TG: variants seen among roughly 807,000 people sequenced by gnomAD.
The protein encoded by TG is thyroglobulin.
A neutral mutation model predicts 324.7 loss-of-function variants in TG; 270 were observed. The observed-to-expected ratio is 0.83, with a 90% confidence interval of 0.75 to 0.92. The LOEUF (loss-of-function observed/expected upper bound fraction) is 0.92, where lower values mean the gene tolerates loss of function less well. Among genes scored for constraint, TG ranks in the 40% least tolerant of loss-of-function variants. The pLI is 0.00. For missense variants in TG, 3,591 were observed against 3,456.4 expected (o/e 1.04, Z -0.98); for synonymous variants, 1,401 against 1,327.0 (o/e 1.06, Z -1.21).
At chr8:132,988,651 G>A in intron 35 of TG, 1 of 945,686 alleles carries the variant, frequency 1.1e-6, no homozygotes, top group Non-Finnish European at 1.3e-6. Flanking sequence ...TTATAAACAA[G>A]TGAAATAGTA....
Position 133,013,692 on chromosome 8 carries a change from A to G in TG, c.6490A>G (p.Thr2164Ala). 6.2e-7 allele frequency: 1 copy of G among 1,614,196 alleles called. No individual in the cohort carries two copies. The highest frequency in any genetic ancestry group is 8.5e-7 in the Non-Finnish European group (1 of 1,180,052). The change falls in exon 37 of 48, where the codon ACA becomes GCA. Residue 2164 changes from threonine (T) to alanine (A), a missense_variant. Physicochemically the swap from Thr to Ala is moderately conservative, Grantham distance 58 (BLOSUM62 0). Coordinates refer to ENST00000220616, the MANE Select transcript of TG (RefSeq NM_003235.5). ...CMFYADTQSC[T>A]HSLQGQNCRL... The stretch of plus-strand genomic sequence containing the variant: ...GTTCTATGCTGATACTCAAAGCTGC[A>G]CACATAGTCTGCAGGGTCAGAACTG...
chr8:132,995,296 C>T (rs996190322), intron 35 of TG: 1 of 984,554 alleles, frequency 1.0e-6, no homozygotes, highest in South Asian at 4.7e-5. Flanking sequence ...TACTACCCAC[C>T]ACATACAGCA....
Position 133,061,323 on chromosome 8 carries a change from T to C in TG, c.7239+31300T>C, listed in dbSNP as rs540297175. Among the ~76,000 whole-genome samples the C allele has an allele frequency of 4.6e-4, 70 of 152,334 alleles. 1 individual carries two copies. In the South Asian group the frequency reaches 0.012, roughly 26 times the overall value. ...CATGCCTGGCCAAGTCATTAACCTT[T>C]TTCTGACTGTTTTGGGGAACACTAA... On this transcript the variant is annotated intron_variant, in intron 41 of 47. Coordinates refer to ENST00000220616, the MANE Select transcript of TG (RefSeq NM_003235.5).
rs1421550290 is a variant in TG at position 132,886,565 on chromosome 8, C to T, written c.1193C>T (p.Ser398Phe). Residue 398 changes from serine to phenylalanine, a missense_variant, in exon 9 of 48, where the codon TCT becomes TTT. By Grantham distance (155) the Ser-to-Phe change is radical. Coordinates refer to ENST00000220616, the MANE Select transcript of TG (RefSeq NM_003235.5). ...LFSSPEKRWA[S>F]PRVARFATSC... ...TCTTCCCCAGAGAAAAGATGGGCCT[C>T]TCCAAGAGTAGCCAGATTTGCCACA... The T allele has an allele frequency of 1.9e-6, 3 of 1,614,222 alleles. No homozygotes were observed. The highest frequency in any genetic ancestry group is 2.5e-6 in the Non-Finnish European group (3 of 1,180,038).
At chr8:132,968,561 A>G (rs1045620899) in intron 31 of TG, among the ~76,000 whole-genome samples, 5 of 152,056 alleles carry the variant, frequency 3.3e-5, no homozygotes, top group South Asian at 4.2e-4. Flanking sequence ...TTACTGTTCT[A>G]TCTTCTCTGT....
chr8:133,107,620 C>A (rs1333497127), intron 43 of TG, among the ~76,000 whole-genome samples: 1 of 152,214 alleles, frequency 6.6e-6, no homozygotes, highest in Admixed American at 6.5e-5. Context: ...TGTGCCCCTT[C>A]ACATTCCCTT....
rs555003736 is a variant in TG, at chr8:133,111,897, G to T, written c.7573-1525G>T. On this transcript the variant is annotated intron_variant, in intron 43 of 47. Coordinates refer to ENST00000220616, the MANE Select transcript of TG (RefSeq NM_003235.5). ...CCTCTTTGCATGCCCTCCTGGCTTC[G>T]GTCATCCTGAAGGATCAGTTAGTCC... Among the ~76,000 whole-genome samples, 3 of 152,328 alleles carry T rather than the reference G, an allele frequency of 2.0e-5. No homozygotes were observed. In the East Asian group the frequency reaches 5.8e-4, roughly 29 times the overall value.
At chr8:132,948,425 C>T (rs543558392) in intron 26 of TG, among the ~76,000 whole-genome samples, 1 of 152,194 alleles carries the variant, frequency 6.6e-6, no homozygotes, top group African/African-American at 2.4e-5. Context: ...GAAAATCACC[C>T]CGTTCAGCAG....
chr8:133,028,872 G>A (rs1836355854), intron 40 of TG, among the ~76,000 whole-genome samples: 1 of 152,104 alleles, frequency 6.6e-6, no homozygotes, highest in Non-Finnish European at 1.5e-5. Context: ...CTTGCTGGAT[G>A]CTGAATCCTG....
At chr8:133,045,936 T>A (rs1247154421) in intron 41 of TG, among the ~76,000 whole-genome samples, 5 of 152,180 alleles carry the variant, frequency 3.3e-5, no homozygotes, top group Admixed American at 6.5e-5. Flanking sequence ...TTTTCCTTTG[T>A]CTATACTCTC....
intron 35 of TG, among the ~76,000 whole-genome samples, chr8:132,990,712 C>A (rs776939819): frequency 1.1e-4 from 17 of 152,286 alleles, no homozygotes; most frequent in Admixed American, 3.3e-4. Context: ...AACTGCCCTA[C>A]AAGGTGTGCA....
intron 43 of TG, among the ~76,000 whole-genome samples, chr8:133,108,211 C>A (rs1191795597): frequency 6.6e-6 from 1 of 151,734 alleles, no homozygotes. Context: ...TGGTCTCGAT[C>A]TCCTGACCTT....
At chr8:133,009,317 A>C (rs774908842) in intron 35 of TG, among the ~76,000 whole-genome samples, 1 of 152,164 alleles carries the variant, frequency 6.6e-6, no homozygotes, top group East Asian at 1.9e-4. Flanking sequence ...GAAAATAGCA[A>C]CATGTGGAGG....
rs750884779 is a variant in TG at position 132,871,580 on chromosome 8, A to G, written c.478+29A>G. ...AGTTTCACTGAGCGCCTGCACCCCT[A>G]GAGCTGGGGAGGGGCTGAAGCTTTC... On this transcript the variant is annotated intron_variant, in intron 4 of 47. Coordinates refer to ENST00000220616, the MANE Select transcript of TG (RefSeq NM_003235.5). 10 of 1,604,930 alleles carry G rather than the reference A, an allele frequency of 6.2e-6. No individual in the cohort carries two copies. The East Asian group carries it at 1.8e-4, about 29-fold the overall frequency.
chr8:133,056,781 G>A (rs1841511798), intron 41 of TG, among the ~76,000 whole-genome samples: 1 of 152,190 alleles, frequency 6.6e-6, no homozygotes, highest in Admixed American at 6.5e-5. Flanking sequence ...GGAGGACAGA[G>A]AGACTAAGGA....
At chr8:133,038,938 T>C (rs540552544) in intron 41 of TG, among the ~76,000 whole-genome samples, 8 of 152,166 alleles carry the variant, frequency 5.3e-5, no homozygotes, top group Non-Finnish European at 1.0e-4. Flanking sequence ...AGTGCAGTGG[T>C]GCAATCTCTG....
intron 30 of TG, among the ~76,000 whole-genome samples, chr8:132,967,179 A>G (rs1828721161): frequency 6.9e-6 from 1 of 145,596 alleles, no homozygotes; most frequent in South Asian, 2.2e-4. Context: ...CCATCCATCC[A>G]TGTATCCATG....
At position 133,012,286 on chromosome 8, in the gene TG, T is replaced by C. The variant is rs376447356; in HGVS notation, c.6397+251T>C. Among the ~76,000 whole-genome samples, 115 of 152,234 alleles carry C rather than the reference T, an allele frequency of 7.6e-4. 1 individual carries two copies. Among genetic ancestry groups the C allele is most frequent in the African/African-American group, 2.7e-3 (112 of 41,540 alleles). ...CCAGGTCAGAGGAAGATCAGAAGAA[T>C]GATCTAGTGGGTTAGTCTGAGGCAG... On this transcript the variant is annotated intron_variant, in intron 36 of 47. Coordinates refer to ENST00000220616, the MANE Select transcript of TG (RefSeq NM_003235.5).
chr8:133,004,527 C>T (rs1442114020), intron 35 of TG, among the ~76,000 whole-genome samples: 1 of 152,196 alleles, frequency 6.6e-6, no homozygotes, highest in Non-Finnish European at 1.5e-5. Context: ...ATCCTGTGGT[C>T]TTTCCTCCAG....
Sources: gnomAD v4.1 joint callset for allele counts (sites outside exome capture counted in the v4.1 genomes callset) on GRCh38, gnomAD v4.1.1 for gene constraint, MANE v1.5 for transcripts, NCBI Gene and HGNC (gene_info 2026-07-23, HGNC 2026-07-21) for gene names.